The following EPHA6 variants were observed in gnomAD, a reference collection of about 807,000 sequenced individuals.
The protein encoded by EPHA6 is ephrin type-A receptor 6.
EPHA6 carries 50 observed loss-of-function variants against 112.0 expected under a neutral mutation model. That is an observed-to-expected ratio of 0.45 (90% CI 0.36 to 0.56). The LOEUF (loss-of-function observed/expected upper bound fraction) is 0.56, where lower values mean the gene tolerates loss of function less well. Ranked by LOEUF, EPHA6 falls within the 20% of genes least tolerant of loss-of-function variation. EPHA6 has a pLI of 0.00. For synonymous variants in EPHA6, 529 were observed against 490.7 expected, an observed-to-expected ratio of 1.08 and a Z score of -1.03; for missense variants, 1,280 against 1,417.4, an observed-to-expected ratio of 0.90 and a Z score of 1.56.
intron 3 of EPHA6, among the ~76,000 whole-genome samples, chr3:97,149,319 A>G (rs1274321448): frequency 6.6e-6 from 1 of 152,130 alleles, no homozygotes; most frequent in African/African-American, 2.4e-5. Context: ...CATGGCTGAG[A>G]AGGATGCTTG....
chr3:97,646,084 A>T, intron 14 of EPHA6: 1 of 1,453,634 alleles, frequency 6.9e-7, no homozygotes, highest in Non-Finnish European at 9.2e-7. Flanking sequence ...CGGACAGAAT[A>T]GGCATTTTCC....
chr3:97,395,966 C>T (rs1468482834), intron 5 of EPHA6, among the ~76,000 whole-genome samples: 1 of 151,630 alleles, frequency 6.6e-6, no homozygotes. Flanking sequence ...TACAGGAAGA[C>T]AGTGATTCCA....
chr3:97,384,417 A>ATG (rs1198223016), intron 5 of EPHA6, among the ~76,000 whole-genome samples: 1 of 152,152 alleles, frequency 6.6e-6, no homozygotes, highest in East Asian at 1.9e-4. Flanking sequence ...GTGCTGCCAT[A>ATG]TGTAGTAGAG....
intron 11 of EPHA6, among the ~76,000 whole-genome samples, chr3:97,574,453 A>G (rs1265346546): frequency 6.6e-6 from 1 of 152,168 alleles, no homozygotes; most frequent in Non-Finnish European, 1.5e-5. Flanking sequence ...CAGGAAACAC[A>G]TATAAGAAAA....
chr3:97,415,490 C>T (rs1048531240), intron 6 of EPHA6, among the ~76,000 whole-genome samples: 1 of 151,968 alleles, frequency 6.6e-6, no homozygotes. Context: ...GAGAATATCC[C>T]AGGCAAGATA....
At chr3:97,348,810 A>G (rs1171549298) in intron 5 of EPHA6, among the ~76,000 whole-genome samples, 1 of 152,092 alleles carries the variant, frequency 6.6e-6, no homozygotes, top group Non-Finnish European at 1.5e-5. Context: ...GATGGGGCTC[A>G]GATGAGTAAT....
chr3:97,433,895 G>A (rs1457534951), intron 6 of EPHA6, among the ~76,000 whole-genome samples: 1 of 152,004 alleles, frequency 6.6e-6, no homozygotes, highest in Non-Finnish European at 1.5e-5. Flanking sequence ...TCATCAGATG[G>A]TTACTACCCC....
chr3:96,840,582 G>C (rs1389753593), intron 1 of EPHA6, among the ~76,000 whole-genome samples: 1 of 152,210 alleles, frequency 6.6e-6, no homozygotes, highest in African/African-American at 2.4e-5. Context: ...ATGACTTGCT[G>C]TCTGACCACT....
At chr3:97,075,524 A>G (rs1196530343) in intron 3 of EPHA6, among the ~76,000 whole-genome samples, 1 of 152,038 alleles carries the variant, frequency 6.6e-6, no homozygotes, top group Admixed American at 6.6e-5. Context: ...TAAATACTAA[A>G]GATTTTTCAG....
At chr3:96,942,760 G>A (rs770567177) in intron 2 of EPHA6, among the ~76,000 whole-genome samples, 16 of 152,218 alleles carry the variant, frequency 1.1e-4, no homozygotes, top group Middle Eastern at 3.4e-3. Context: ...CTTGGCTCCC[G>A]CTGCTCTTGG....
chr3:97,351,415 C>T (rs974666090), intron 5 of EPHA6, among the ~76,000 whole-genome samples: 4 of 152,152 alleles, frequency 2.6e-5, no homozygotes, highest in Admixed American at 1.3e-4. Flanking sequence ...GTTATGCTTG[C>T]TTTTGTTTGT....
chr3:97,607,776 TA>T (rs2093690428), intron 12 of EPHA6, among the ~76,000 whole-genome samples: 1 of 150,970 alleles, frequency 6.6e-6, no homozygotes, highest in South Asian at 2.1e-4. Flanking sequence ...CAAAAAGAAA[TA>T]AGGTGTAACA....
intron 2 of EPHA6, among the ~76,000 whole-genome samples, chr3:96,925,918 A>T (rs1290035738): frequency 3.9e-5 from 6 of 151,908 alleles, no homozygotes. Flanking sequence ...TTTCTTGATT[A>T]TTTGGAAGGG....
intron 1 of EPHA6, among the ~76,000 whole-genome samples, chr3:96,838,367 C>T (rs1202238578): frequency 6.6e-6 from 1 of 152,114 alleles, no homozygotes; most frequent in African/African-American, 2.4e-5. Context: ...CGTACACAGG[C>T]ATGTGTCTTT....
rs563950994 is a variant in EPHA6, at chr3:97,679,770, C to T, written c.2785-40491C>T. On this transcript the variant is annotated intron_variant, in intron 14 of 17. Transcript: ENST00000389672. ...CGGAAAAATTCTTCCCTGGGACACCCTAGAAAGGGTTTTGAATTTAAATTG... is the reference window on the plus strand; with the variant it reads ...CGGAAAAATTCTTCCCTGGGACACCTTAGAAAGGGTTTTGAATTTAAATTG... Among the ~76,000 whole-genome samples the T allele has an allele frequency of 1.1e-4, 16 of 152,168 alleles. No homozygotes were observed. In the South Asian group the frequency reaches 3.1e-3, roughly 30 times the overall value.
intron 14 of EPHA6, among the ~76,000 whole-genome samples, chr3:97,717,838 G>A (rs1469638798): frequency 6.6e-6 from 1 of 152,130 alleles, no homozygotes; most frequent in African/African-American, 2.4e-5. Flanking sequence ...ACTTATATGT[G>A]ATATCAAATT....
intron 11 of EPHA6, among the ~76,000 whole-genome samples, chr3:97,556,127 C>T (rs548018479): frequency 6.6e-6 from 1 of 152,162 alleles, no homozygotes; most frequent in African/African-American, 2.4e-5. Context: ...CTTAAACCTA[C>T]TTAGCCTGCT....
At chr3:97,719,097 C>T (rs2034391493) in intron 14 of EPHA6, among the ~76,000 whole-genome samples, 1 of 121,944 alleles carries the variant, frequency 8.2e-6, no homozygotes, top group Non-Finnish European at 1.7e-5. Flanking sequence ...CACCCCCCCC[C>T]CCACCCCCCC....
intron 2 of EPHA6, among the ~76,000 whole-genome samples, chr3:96,898,433 C>T (rs1018475737): frequency 1.3e-5 from 2 of 152,108 alleles, no homozygotes; most frequent in Non-Finnish European, 2.9e-5. Flanking sequence ...TACCTTCCTG[C>T]CCCGATTTCC....
Sources: gnomAD v4.1 joint callset for allele counts (sites outside exome capture counted in the v4.1 genomes callset) on GRCh38, gnomAD v4.1.1 for gene constraint, MANE v1.5 for transcripts, NCBI Gene and HGNC (gene_info 2026-07-23, HGNC 2026-07-21) for gene names.